The following ZNF423 variants were observed in gnomAD, a reference collection of about 807,000 sequenced individuals.
ZNF423 encodes zinc finger protein 423, also known as Ebf-associated zinc finger protein.
ZNF423 carries 12 observed loss-of-function variants against 95.8 expected under a neutral mutation model. That is an observed-to-expected ratio of 0.13 (90% confidence interval 0.08 to 0.20). ZNF423 has a LOEUF of 0.20. Among genes scored for constraint, ZNF423 ranks in the 10% least tolerant of loss-of-function variants. The pLI is 1.00. For synonymous variants in ZNF423, 749 were observed against 711.9 expected, an observed-to-expected ratio of 1.05 and a Z score of -0.83; for missense variants, 1,316 against 1,737.1, an observed-to-expected ratio of 0.76 and a Z score of 4.31.
chr16:49,854,010 G>C (rs922288575), intron 1 of ZNF423: 2 of 985,304 alleles, frequency 2.0e-6, no homozygotes, highest in African/African-American at 3.5e-5. Flanking sequence ...TGAGCAGTGA[G>C]CCAGGGAAAG....
At chr16:49,825,631 G>GAA (rs199992475) in intron 1 of ZNF423, among the ~76,000 whole-genome samples, 1 of 148,254 alleles carries the variant, frequency 6.7e-6, no homozygotes, top group African/African-American at 2.5e-5. Context: ...CCATCAGCAA[G>GAA]AAAAAAAAAA....
intron 3 of ZNF423, among the ~76,000 whole-genome samples, chr16:49,724,175 C>G (rs930374279): frequency 1.3e-5 from 2 of 152,196 alleles, no homozygotes; most frequent in African/African-American, 4.8e-5. Flanking sequence ...GTCTTCCCCC[C>G]ACCATAATTG....
At chr16:49,811,639 A>G (rs2034754029) in intron 1 of ZNF423, among the ~76,000 whole-genome samples, 1 of 152,156 alleles carries the variant, frequency 6.6e-6, no homozygotes, top group Admixed American at 6.5e-5. Flanking sequence ...GAGGCTACTG[A>G]AAGAAAAGGG....
intron 1 of ZNF423, among the ~76,000 whole-genome samples, chr16:49,840,692 T>A (rs2035173453): frequency 6.6e-6 from 1 of 152,060 alleles, no homozygotes; most frequent in Non-Finnish European, 1.5e-5. Flanking sequence ...CATGCACACG[T>A]GTACACACTC....
intron 1 of ZNF423, among the ~76,000 whole-genome samples, chr16:49,824,013 G>C (rs1286003676): frequency 6.6e-6 from 1 of 152,110 alleles, no homozygotes; most frequent in Non-Finnish European, 1.5e-5. Context: ...CCAGAAAGTG[G>C]AGATTACAGT....
chr16:49,541,483 G>A (rs62030969), intron 5 of ZNF423, among the ~76,000 whole-genome samples: 13,201 of 152,280 alleles, frequency 0.087, 725 homozygotes, highest in South Asian at 0.15. Flanking sequence ...GCTTGTGTGC[G>A]CTGAGAAACT....
chr16:49,600,806 C>T (rs1241757435), intron 5 of ZNF423, among the ~76,000 whole-genome samples: 1 of 152,178 alleles, frequency 6.6e-6, no homozygotes, highest in Non-Finnish European at 1.5e-5. Context: ...GCTCCGACAC[C>T]AAAGATACTA....
In ZNF423 at chr16:49,635,681, G is replaced by T; in HGVS notation, c.3495C>A (p.Thr1165=). ...TTACCCGGGGCACTGGCGATGTCTG[G>T]GTGCCTTTCCGGGGCCCACTGGTCT... ...TPETSGPRKG[T]QTSPVPRKKT... Residue 1165 remains threonine, a synonymous_variant, in exon 4 of 8, where the codon ACC becomes ACA. Coordinates refer to ENST00000563137, the MANE Select transcript of ZNF423 (RefSeq NM_001379286.1). The surrounding 1 kb of genome is among the most constrained non-coding windows in gnomAD (Gnocchi z 4.8). The T allele has an allele frequency of 3.2e-6, 5 of 1,585,048 alleles. No homozygotes were observed. Among genetic ancestry groups the T allele is most frequent in the Non-Finnish European group, 4.3e-6 (5 of 1,167,598 alleles).
chr16:49,490,778 A>C lies in ZNF423; in HGVS notation c.*497T>G, dbSNP rs1966924997. 6.4e-6 allele frequency: 1 copy of C among 156,496 alleles called. No individual in the cohort carries two copies. The highest frequency in any genetic ancestry group is 1.9e-4 in the South Asian group (1 of 5,282). The allele number at this position is 156,496 out of a possible 1,614,324, so 9.7% of individuals were successfully genotyped here. A position where few individuals can be genotyped will look rare whatever the true frequency, so the allele number is the denominator to read the frequency against. On this transcript the variant is annotated 3_prime_UTR_variant, in exon 8 of 8. Coordinates refer to ENST00000563137, the MANE Select transcript of ZNF423 (RefSeq NM_001379286.1). Reference sequence around the variant, plus strand: ...CAAAGCATTAGTCTTTAATTAAAAAATTAAAAGGAAATATTCAGACAATAG... The same window carrying C: ...CAAAGCATTAGTCTTTAATTAAAAACTTAAAAGGAAATATTCAGACAATAG...
At chr16:49,628,768 G>A (rs1379241531) in intron 4 of ZNF423, among the ~76,000 whole-genome samples, 1 of 152,200 alleles carries the variant, frequency 6.6e-6, no homozygotes, top group Non-Finnish European at 1.5e-5. Flanking sequence ...CCAGCTGCCT[G>A]TGGGAGCTGA....
intron 1 of ZNF423, among the ~76,000 whole-genome samples, chr16:49,826,408 A>T (rs1173454098): frequency 6.6e-6 from 1 of 152,196 alleles, no homozygotes; most frequent in Non-Finnish European, 1.5e-5. Flanking sequence ...AATGCAGTTA[A>T]GGGGAAGGGG....
intron 5 of ZNF423, among the ~76,000 whole-genome samples, chr16:49,570,259 G>A (rs866126330): frequency 1.3e-5 from 2 of 152,266 alleles, no homozygotes; most frequent in South Asian, 4.2e-4. Context: ...TTTGTGCATG[G>A]AACTGTAACA....
intron 5 of ZNF423, among the ~76,000 whole-genome samples, chr16:49,607,210 A>C (rs1226104019): frequency 1.3e-5 from 2 of 151,608 alleles, no homozygotes; most frequent in African/African-American, 4.9e-5. Context: ...TGAAAACCCC[A>C]CTCAGGATAG....
At chr16:49,759,548 C>G (rs950882805) in intron 2 of ZNF423, among the ~76,000 whole-genome samples, 6 of 152,222 alleles carry the variant, frequency 3.9e-5, no homozygotes, top group African/African-American at 1.4e-4. Flanking sequence ...CTGGCGGGAC[C>G]ACAGCAGCCT....
intron 3 of ZNF423, among the ~76,000 whole-genome samples, chr16:49,656,244 T>C (rs571148189): frequency 6.6e-6 from 1 of 152,296 alleles, no homozygotes; most frequent in South Asian, 2.1e-4. Context: ...GTGCAGTGGC[T>C]CGTGCCTGTA....
In ZNF423 at chr16:49,727,479, A is replaced by G. The variant is rs183264472; in HGVS notation, c.301+3292T>C. Among the ~76,000 whole-genome samples, 13 of 134,084 alleles carry G rather than the reference A, an allele frequency of 9.7e-5. No homozygotes were observed. The East Asian group carries it at 2.9e-3, about 30-fold the overall frequency. The allele number at this position is 134,084 out of a possible 152,430, so 88.0% of individuals were successfully genotyped here. On this transcript the variant is annotated intron_variant, in intron 3 of 7. Coordinates refer to ENST00000563137, the MANE Select transcript of ZNF423 (RefSeq NM_001379286.1). ...TCTGAGGGAGCAAAACGCTGCCCCC[A>G]ATCTCCCCCTCAACACCACCCCAAC... is the stretch of plus-strand genomic sequence containing the variant.
chr16:49,598,191 G>C (rs1971245714), intron 5 of ZNF423, among the ~76,000 whole-genome samples: 1 of 151,686 alleles, frequency 6.6e-6, no homozygotes, highest in Admixed American at 6.6e-5. Flanking sequence ...GACACATTTA[G>C]AGTTAGGTAG....
intron 5 of ZNF423, among the ~76,000 whole-genome samples, chr16:49,599,715 T>C (rs890672559): frequency 6.6e-6 from 1 of 152,098 alleles, no homozygotes; most frequent in Non-Finnish European, 1.5e-5. Flanking sequence ...CACGGATGGA[T>C]CTCACCAACT....
At chr16:49,524,681 G>C (rs1433799092) in intron 6 of ZNF423, among the ~76,000 whole-genome samples, 1 of 152,256 alleles carries the variant, frequency 6.6e-6, no homozygotes, top group Admixed American at 6.5e-5. Flanking sequence ...GAGCACTTCA[G>C]AGATACCCTC....
Sources: allele counts gnomAD v4.1 joint callset (sites outside exome capture counted in the v4.1 genomes callset), GRCh38; gene constraint gnomAD v4.1.1; non-coding constraint Gnocchi (gnomAD v3.1); transcripts MANE v1.5; gene names NCBI Gene and HGNC (gene_info 2026-07-23, HGNC 2026-07-21).